Variants in CADM1 observed in about 807,000 individuals in gnomAD.
CADM1 encodes cell adhesion molecule 1.
CADM1 carries 15 observed loss-of-function variants against 53.1 expected under a neutral mutation model. The observed-to-expected ratio is 0.28, with a 90% CI of 0.19 to 0.44. CADM1 has a LOEUF of 0.44. Ranked by LOEUF, CADM1 falls within the 20% of genes least tolerant of loss-of-function variation. The pLI, the probability that CADM1 is intolerant of heterozygous loss-of-function variation, is 1.00. For missense variants in CADM1, 434 were observed against 611.3 expected, an observed-to-expected ratio of 0.71 and a Z score of 3.06; for synonymous variants, 281 against 243.0, an observed-to-expected ratio of 1.16 and a Z score of -1.45.
At chr11:115,284,510 C>T (rs1943678291) in intron 1 of CADM1, among the ~76,000 whole-genome samples, 1 of 146,034 alleles carries the variant, frequency 6.8e-6, no homozygotes, top group African/African-American at 2.6e-5. Flanking sequence ...CAAGGTTTGT[C>T]TAAAAAAAAA....
rs1021192828 is a variant in CADM1 at position 115,400,433 on chromosome 11, A to T, written c.124+103838T>A. Among the ~76,000 whole-genome samples the T allele has an allele frequency of 3.3e-5, 5 of 151,580 alleles. No individual in the cohort carries two copies. The South Asian group carries it at 8.3e-4, about 25-fold the overall frequency. ...TCACATCTCAAATCAATGTGGGAAA[A>T]GATGGCCTTTTTAATAAATGATATT... On this transcript the variant is annotated intron_variant, in intron 1 of 11. Coordinates refer to ENST00000331581, the MANE Select transcript of CADM1 (RefSeq NM_001301043.2).
intron 1 of CADM1, among the ~76,000 whole-genome samples, chr11:115,469,976 G>C (rs1948979299): frequency 6.6e-6 from 1 of 152,066 alleles, no homozygotes; most frequent in Non-Finnish European, 1.5e-5. Context: ...CCCAGCCCTG[G>C]GGCTTTTATT....
chr11:115,226,212 AT>A (rs1941602068), intron 5 of CADM1, among the ~76,000 whole-genome samples: 1 of 152,224 alleles, frequency 6.6e-6, no homozygotes. Context: ...TTTAATAGAT[AT>A]TTTTACATAG....
intron 1 of CADM1, chr11:115,287,544 T>C (rs1277081900): frequency 6.6e-6 from 1 of 152,352 alleles, no homozygotes; most frequent in African/African-American, 2.4e-5. Flanking sequence ...ATTTGAACAC[T>C]ACCACACTGG....
At chr11:115,261,816 G>A (rs1318455793) in intron 1 of CADM1, among the ~76,000 whole-genome samples, 1 of 148,028 alleles carries the variant, frequency 6.8e-6, no homozygotes, top group African/African-American at 2.5e-5. Context: ...GTCTCACTCT[G>A]TTGCCCAGGC....
In CADM1 at chr11:115,182,586, G is replaced by T. The variant is rs373040613; in HGVS notation, c.1166-3811C>A. Among the ~76,000 whole-genome samples, 19 of 152,334 alleles carry T rather than the reference G, an allele frequency of 1.2e-4. No individual in the cohort carries two copies. The East Asian group carries it at 2.9e-3, about 23-fold the overall frequency. On this transcript the variant is annotated intron_variant, in intron 10 of 11. Coordinates refer to ENST00000331581, the MANE Select transcript of CADM1 (RefSeq NM_001301043.2). ...TTAGGCCTAGTCCTTGAATGATTCT[G>T]ACTTGCAGATGAACCCTGTAAAGGT...
intron 10 of CADM1, among the ~76,000 whole-genome samples, chr11:115,185,533 G>GT (rs577703486): frequency 6.6e-6 from 1 of 152,110 alleles, no homozygotes; most frequent in Non-Finnish European, 1.5e-5. Flanking sequence ...AGTGTTTTGG[G>GT]TTTTTTCTTG....
In CADM1 at chr11:115,171,761, G is replaced by C. The variant is rs1294483431; in HGVS notation, c.*4713C>G. ...CCTCATGCTGCAGACAAGAGGGAGA[G>C]GGGTGGGGAGACTAAACATACTGCA... On this transcript the variant is annotated 3_prime_UTR_variant, in exon 12 of 12. Coordinates refer to ENST00000331581, the MANE Select transcript of CADM1 (RefSeq NM_001301043.2). The C allele has an allele frequency of 6.6e-6, 1 of 152,212 alleles. No homozygotes were observed. Among genetic ancestry groups the C allele is most frequent in the Non-Finnish European group, 1.5e-5 (1 of 68,058 alleles). 9.4% of individuals were successfully genotyped at this position (152,212 alleles called of 1,614,324 possible).
chr11:115,448,033 G>T (rs1373439464), intron 1 of CADM1, among the ~76,000 whole-genome samples: 1 of 151,968 alleles, frequency 6.6e-6, no homozygotes. Flanking sequence ...TACAGTTAAC[G>T]AGTCACAGTA....
intron 1 of CADM1, chr11:115,377,764 T>G (rs1438460103): frequency 6.6e-6 from 1 of 152,218 alleles, no homozygotes; most frequent in Non-Finnish European, 1.5e-5. Context: ...TTGCAAAAGA[T>G]ACCAGTGGCA....
chr11:115,269,590 A>G (rs564265844), intron 1 of CADM1, among the ~76,000 whole-genome samples: 28 of 152,238 alleles, frequency 1.8e-4, no homozygotes, highest in Non-Finnish European at 2.8e-4. Context: ...TCCATACACC[A>G]TACGTGATTC....
At chr11:115,283,683 A>G (rs1474720154) in intron 1 of CADM1, among the ~76,000 whole-genome samples, 1 of 152,182 alleles carries the variant, frequency 6.6e-6, no homozygotes, top group East Asian at 1.9e-4. Flanking sequence ...GGCAGCAAAA[A>G]ATTAAATGCC....
At chr11:115,294,794 G>A (rs980516571) in intron 1 of CADM1, among the ~76,000 whole-genome samples, 4 of 152,166 alleles carry the variant, frequency 2.6e-5, no homozygotes, top group African/African-American at 9.7e-5. Flanking sequence ...CAGCACCTTG[G>A]GAGGAGGAGG....
intron 10 of CADM1, chr11:115,179,054 C>A: frequency 2.3e-6 from 1 of 438,544 alleles, no homozygotes; most frequent in South Asian, 2.0e-5. Context: ...AATAGTCTAT[C>A]CGGCCCTGAC....
At chr11:115,231,252 T>A (rs1941801921) in intron 4 of CADM1, 101 bp downstream of exon 4, 1 of 1,300,816 alleles carries the variant, frequency 7.7e-7, no homozygotes, top group Non-Finnish European at 1.1e-6. Context: ...AAATGAATAC[T>A]TTTGTTTCAT....
At chr11:115,408,159 G>T (rs563045154) in intron 1 of CADM1, among the ~76,000 whole-genome samples, 1 of 152,068 alleles carries the variant, frequency 6.6e-6, no homozygotes, top group African/African-American at 2.4e-5. Context: ...GTTGGTATTG[G>T]CAACAGCTTA....
At chr11:115,387,679 T>C (rs1457527327) in intron 1 of CADM1, among the ~76,000 whole-genome samples, 1 of 152,126 alleles carries the variant, frequency 6.6e-6, no homozygotes, top group South Asian at 2.1e-4. Flanking sequence ...GGAAGAATAA[T>C]ACATTATAGA....
chr11:115,295,305 C>G (rs1001830858), intron 1 of CADM1, among the ~76,000 whole-genome samples: 1 of 151,448 alleles, frequency 6.6e-6, no homozygotes, highest in African/African-American at 2.4e-5. Flanking sequence ...TGGCCTCTCT[C>G]TAAGTTACTT....
At chr11:115,277,087 G>T (rs1943466131) in intron 1 of CADM1, among the ~76,000 whole-genome samples, 1 of 152,232 alleles carries the variant, frequency 6.6e-6, no homozygotes, top group African/African-American at 2.4e-5. Context: ...GTAGCCAAAA[G>T]CCAGCTTGAG....
Sources: allele counts gnomAD v4.1 joint callset (sites outside exome capture counted in the v4.1 genomes callset), GRCh38; gene constraint gnomAD v4.1.1; transcripts MANE v1.5; gene names NCBI Gene and HGNC (gene_info 2026-07-23, HGNC 2026-07-21).